Variants in CLN3 observed in about 807,000 individuals in gnomAD.
CLN3 encodes the protein CLN3 lysosomal/endosomal transmembrane protein, battenin, also known as battenin.
Under a neutral mutation model 60.7 loss-of-function variants are expected in CLN3, and 49 were observed. That is an observed-to-expected ratio of 0.81 (90% CI 0.64 to 1.02). The LOEUF (loss-of-function observed/expected upper bound fraction) is 1.02. Ranked by LOEUF, CLN3 falls within the 50% of genes least tolerant of loss-of-function variation. CLN3 has a pLI of 0.00. For missense variants in CLN3, 516 were observed against 557.4 expected (o/e 0.93, Z 0.75); for synonymous variants, 256 against 245.8 (o/e 1.04, Z -0.39).
chr16:28,467,298 G>A, the CLN3 span, among the ~76,000 whole-genome samples: 69 of 74,420 alleles, frequency 9.3e-4, no homozygotes, highest in African/African-American at 2.7e-3. Flanking sequence ...CCACTCAGTC[G>A]CCCAGGCTGG....
In CLN3 at chr16:28,487,440, A is replaced by G; in HGVS notation, c.460+16T>C. The G allele has an allele frequency of 6.2e-7, 1 of 1,608,190 alleles. No homozygotes were observed. The highest frequency in any genetic ancestry group is 1.3e-5 in the African/African-American group (1 of 74,934). On this transcript the variant is annotated intron_variant, in intron 7 of 15. Coordinates refer to ENST00000636147, the MANE Select transcript of CLN3 (RefSeq NM_001042432.2). ...TTCCTCGGGGCTCCCCATCTGACAC[A>G]GAACCACACACTCACCACACAGGCT... is the stretch of plus-strand genomic sequence containing the variant.
chr16:28,484,145 G>A, intron 9 of CLN3, 27 bp from the exon 10 acceptor site: 1 of 1,554,654 alleles, frequency 6.4e-7, no homozygotes, highest in South Asian at 1.2e-5. Flanking sequence ...GGCAGGGTCA[G>A]AAAACCCTAC....
At chr16:28,490,756 T>C (rs1367407330) in intron 3 of CLN3, among the ~76,000 whole-genome samples, 1 of 117,546 alleles carries the variant, frequency 8.5e-6, no homozygotes, top group East Asian at 2.4e-4. Flanking sequence ...AGAGACTCCG[T>C]CTCAAAAAAA....
At chr16:28,481,414 TAA>T (rs1288497706) in intron 14 of CLN3, among the ~76,000 whole-genome samples, 3 of 103,294 alleles carry the variant, frequency 2.9e-5, no homozygotes, top group South Asian at 3.0e-4. Flanking sequence ...TCCCAATGCT[TAA>T]AACACACACA....
chr16:28,474,779 C>T (rs1481886418), downstream of CLN3, among the ~76,000 whole-genome samples: 1 of 152,138 alleles, frequency 6.6e-6, no homozygotes, highest in Non-Finnish European at 1.5e-5. Context: ...AATTGAAACC[C>T]CAATATCCAT....
At chr16:28,490,460 T>TAAAAAAAA (rs35681318) in intron 3 of CLN3, 1 of 98,750 alleles carries the variant, frequency 1.0e-5, no homozygotes, top group African/African-American at 4.0e-5. Context: ...AAAATAAAAT[T>TAAAAAAAA]AAAAAAAAAA....
chr16:28,479,904 A>G (rs2046058749), intron 14 of CLN3: 1 of 155,314 alleles, frequency 6.4e-6, no homozygotes, highest in Non-Finnish European at 1.5e-5. Context: ...CTGGGCTTGC[A>G]GCACTGCTCA....
chr16:28,485,995 TC>T (rs1222669656), intron 9 of CLN3, among the ~76,000 whole-genome samples: 1 of 150,834 alleles, frequency 6.6e-6, no homozygotes, highest in African/African-American at 2.4e-5. Flanking sequence ...TTCTTTTCTT[TC>T]TTTTTTTTTT....
chr16:28,491,169 T>C (rs1299580980), intron 3 of CLN3: 4 of 386,628 alleles, frequency 1.0e-5, no homozygotes, highest in Non-Finnish European at 1.4e-5. Flanking sequence ...AAACGCTGGT[T>C]TTCCAAGTGG....
At chr16:28,483,959 A>G in intron 10 of CLN3, 47 bp downstream of exon 10, 1 of 1,416,290 alleles carries the variant, frequency 7.1e-7, no homozygotes. Context: ...AAAAGGCCAA[A>G]CCCAGAGAGA....
At chr16:28,478,685 G>A (rs965818264) in intron 14 of CLN3, among the ~76,000 whole-genome samples, 1 of 149,648 alleles carries the variant, frequency 6.7e-6, no homozygotes, top group Non-Finnish European at 1.5e-5. Flanking sequence ...TCGAAACCAG[G>A]ATTTCTCAAT....
At chr16:28,471,608 A>C (rs2141687588), downstream of CLN3, among the ~76,000 whole-genome samples, 1 of 113,876 alleles carries the variant, frequency 8.8e-6, no homozygotes, top group East Asian at 2.4e-4. Flanking sequence ...AGAATCCAAA[A>C]TGAAACAAGA....
At chr16:28,491,425 C>T (rs2046311126) in intron 3 of CLN3, 57 bp downstream of exon 3, 1 of 1,596,762 alleles carries the variant, frequency 6.3e-7, no homozygotes, top group Non-Finnish European at 8.5e-7. Flanking sequence ...CCCCTTTCCT[C>T]CGGTCACTTC....
chr16:28,477,989 G>A lies in CLN3; in HGVS notation c.1057-112C>T, dbSNP rs1238083210. 7.2e-6 allele frequency: 9 copies of A among 1,243,856 alleles called. No homozygotes were observed. The Admixed American group carries it at 1.0e-4, about 14-fold the overall frequency. 77.1% of individuals were successfully genotyped at this position (1,243,856 alleles called of 1,614,324 possible). Reference sequence around the variant, plus strand: ...GGAGTTACTGGTGAAGGAGAGGGCTGCCAGGTCTAGATAAAATCTCAACAC... The same window carrying A: ...GGAGTTACTGGTGAAGGAGAGGGCTACCAGGTCTAGATAAAATCTCAACAC... On this transcript the variant is annotated intron_variant, in intron 14 of 15. Coordinates refer to ENST00000636147, the MANE Select transcript of CLN3 (RefSeq NM_001042432.2).
At chr16:28,488,552 C>A in intron 5 of CLN3, 39 bp downstream of exon 5, 1 of 1,595,540 alleles carries the variant, frequency 6.3e-7, no homozygotes, top group Non-Finnish European at 8.6e-7. Context: ...GACCCAGGGG[C>A]CCTGGGTCAG....
chr16:28,489,145 G>A (rs1228319814), intron 4 of CLN3, 145 bp downstream of exon 4: 9 of 705,568 alleles, frequency 1.3e-5, no homozygotes, highest in Middle Eastern at 7.5e-4. Context: ...CAAGTGATCC[G>A]CCCGCCTCAG....
downstream of CLN3, among the ~76,000 whole-genome samples, chr16:28,472,764 C>T (rs764413390): frequency 1.3e-5 from 2 of 149,046 alleles, no homozygotes; most frequent in Non-Finnish European, 3.0e-5. Context: ...ATCGCTTGAA[C>T]CCGGGAGTCT....
chr16:28,489,365 G>C lies in CLN3; in HGVS notation c.147C>G (p.Asn49Lys), dbSNP rs571216643. ...VGFWLLGLCN[N>K]FSYVVMLSAA... Reference sequence around the variant, plus strand: ...CACTCAGCATCACCACATAAGAGAAGTTGTTGCAAAGGCCCAGCAGCCTGG... The same window carrying C: ...CACTCAGCATCACCACATAAGAGAACTTGTTGCAAAGGCCCAGCAGCCTGG... Residue 49 changes from asparagine (N) to lysine (K), a missense_variant, in exon 4 of 16, where the codon AAC becomes AAG. Transcript: ENST00000636147. 1.2e-6 allele frequency: 2 copies of C among 1,612,850 alleles called. No homozygotes were observed. The highest frequency in any genetic ancestry group is 1.7e-5 in the Admixed American group (1 of 59,840).
At chr16:28,484,330 C>T (rs989517221) in intron 9 of CLN3, 2 of 581,902 alleles carry the variant, frequency 3.4e-6, no homozygotes, top group African/African-American at 3.8e-5. Flanking sequence ...CTCCTTATTC[C>T]TATTCATGGG....
Sources: gnomAD v4.1 joint callset for allele counts (sites outside exome capture counted in the v4.1 genomes callset) on GRCh38, gnomAD v4.1.1 for gene constraint, MANE v1.5 for transcripts, NCBI Gene and HGNC (gene_info 2026-07-23, HGNC 2026-07-21) for gene names.